The following ROBO1 variants were observed in gnomAD, a reference collection of about 807,000 sequenced individuals.
ROBO1 encodes roundabout homolog 1.
A neutral mutation model predicts 195.9 loss-of-function variants in ROBO1; 149 were observed. That is an observed-to-expected ratio of 0.76 (90% confidence interval 0.67 to 0.87). The LOEUF (loss-of-function observed/expected upper bound fraction) is 0.87, where lower values mean the gene tolerates loss of function less well. ROBO1 is among the 40% of genes least tolerant of loss of function. ROBO1 has a pLI of 0.00. For synonymous variants in ROBO1, 816 were observed against 733.2 expected (o/e 1.11, Z -1.82); for missense variants, 1,933 against 2,068.3 (o/e 0.93, Z 1.27).
At chr3:79,338,536 A>G (rs1164750478) in intron 2 of ROBO1, among the ~76,000 whole-genome samples, 1 of 152,106 alleles carries the variant, frequency 6.6e-6, no homozygotes, top group Non-Finnish European at 1.5e-5. Flanking sequence ...GTGTAATTCA[A>G]TGGACATGCT....
chr3:79,344,683 GGC>G (rs2035041118), intron 2 of ROBO1, among the ~76,000 whole-genome samples: 1 of 151,930 alleles, frequency 6.6e-6, no homozygotes, highest in Non-Finnish European at 1.5e-5. Context: ...GTATGAGGAA[GGC>G]TGTAAAAATG....
intron 1 of ROBO1, among the ~76,000 whole-genome samples, chr3:79,649,037 C>T (rs573082388): frequency 6.6e-6 from 1 of 152,022 alleles, no homozygotes; most frequent in African/African-American, 2.4e-5. Flanking sequence ...ATTTGGTTAT[C>T]AACTCTATTT....
At chr3:79,057,626 A>T (rs564804569) in intron 3 of ROBO1, among the ~76,000 whole-genome samples, 3 of 152,106 alleles carry the variant, frequency 2.0e-5, no homozygotes, top group Admixed American at 2.0e-4. Context: ...TACCCTGGAA[A>T]TAACATCCCT....
At chr3:79,048,712 A>G (rs1228679215) in intron 3 of ROBO1, among the ~76,000 whole-genome samples, 1 of 152,064 alleles carries the variant, frequency 6.6e-6, no homozygotes, top group Non-Finnish European at 1.5e-5. Flanking sequence ...TTTTTACTTC[A>G]CTAAGAAAAT....
chr3:79,180,989 T>C (rs1452735154), intron 2 of ROBO1, among the ~76,000 whole-genome samples: 1 of 152,190 alleles, frequency 6.6e-6, no homozygotes, highest in Non-Finnish European at 1.5e-5. Context: ...GAAGCAAGTG[T>C]GTTAAATTGA....
chr3:79,039,119 T>A (rs961318436), intron 3 of ROBO1, among the ~76,000 whole-genome samples: 1 of 152,164 alleles, frequency 6.6e-6, no homozygotes, highest in Non-Finnish European at 1.5e-5. Flanking sequence ...AGAAATAACT[T>A]TGTTCTGATG....
chr3:78,968,292 T>A (rs1408658402), intron 3 of ROBO1, among the ~76,000 whole-genome samples: 2 of 135,112 alleles, frequency 1.5e-5, no homozygotes, highest in African/African-American at 2.6e-5. Flanking sequence ...TTTTTTTTTT[T>A]AAGGCAGAGT....
chr3:78,795,834 C>A (rs1464362177), intron 4 of ROBO1, among the ~76,000 whole-genome samples: 2 of 151,608 alleles, frequency 1.3e-5, no homozygotes, highest in East Asian at 1.9e-4. Flanking sequence ...CCAGGAAATA[C>A]CCTAAGGAAC....
At chr3:79,041,740 T>C (rs1218433303) in intron 3 of ROBO1, among the ~76,000 whole-genome samples, 1 of 152,132 alleles carries the variant, frequency 6.6e-6, no homozygotes, top group Non-Finnish European at 1.5e-5. Flanking sequence ...TTTCCACAAA[T>C]GGGAGGAAAC....
intron 4 of ROBO1, among the ~76,000 whole-genome samples, chr3:78,909,184 C>T (rs550329504): frequency 1.3e-5 from 2 of 151,444 alleles, no homozygotes; most frequent in East Asian, 1.9e-4. Flanking sequence ...CTACGCCCTG[C>T]GAGAGTCAAA....
chr3:79,372,540 T>C (rs548401140), intron 2 of ROBO1, among the ~76,000 whole-genome samples: 81 of 151,774 alleles, frequency 5.3e-4, no homozygotes, highest in African/African-American at 1.9e-3. Flanking sequence ...GATGTGGGAG[T>C]GCTGGCTTGA....
intron 2 of ROBO1, among the ~76,000 whole-genome samples, chr3:79,151,560 C>CTA (rs2080771368): frequency 1.3e-5 from 2 of 151,738 alleles, no homozygotes; most frequent in Non-Finnish European, 2.9e-5. Flanking sequence ...CAGAGAACAA[C>CTA]CAGAGTGATT....
chr3:78,747,491 T>A lies in ROBO1; in HGVS notation c.500-591A>T, dbSNP rs144364108. On this transcript the variant is annotated intron_variant, in intron 4 of 30. Transcript: ENST00000464233. Reference sequence around the variant, plus strand: ...AGCCATTACATTGAAACTCATTGTGTTTTTCCATGATTACTGAGACTGTTA... The same window carrying A: ...AGCCATTACATTGAAACTCATTGTGATTTTCCATGATTACTGAGACTGTTA... 2.2e-3 allele frequency among the ~76,000 whole-genome samples: 337 copies of A among 152,270 alleles called. 2 individuals are homozygous for A. Among genetic ancestry groups the A allele is most frequent in the African/African-American group, 7.4e-3 (307 of 41,560 alleles).
chr3:78,969,470 G>C (rs2076716592), intron 3 of ROBO1, among the ~76,000 whole-genome samples: 1 of 152,192 alleles, frequency 6.6e-6, no homozygotes, highest in South Asian at 2.1e-4. Context: ...TGATAGCAGA[G>C]TAAGGTTGAC....
chr3:78,661,017 T>C lies in ROBO1; in HGVS notation c.2320+13A>G, dbSNP rs998666989. ...CTGCAATGCATGGAAATCAAACGCTTCATCATACTTGCCTTCTTCCAGGGT... is the reference window on the plus strand; with the variant it reads ...CTGCAATGCATGGAAATCAAACGCTCCATCATACTTGCCTTCTTCCAGGGT... On this transcript the variant is annotated intron_variant, in intron 16 of 30. Transcript: ENST00000464233. 1.3e-6 allele frequency: 2 copies of C among 1,580,162 alleles called. No individual in the cohort carries two copies. Among genetic ancestry groups the C allele is most frequent in the Non-Finnish European group, 1.7e-6 (2 of 1,152,424 alleles).
chr3:78,831,786 A>C (rs542159800), intron 4 of ROBO1, among the ~76,000 whole-genome samples: 2 of 152,236 alleles, frequency 1.3e-5, no homozygotes, highest in African/African-American at 2.4e-5. Context: ...AAGGATGAGC[A>C]AAGTCACATC....
At chr3:78,758,786 ACC>A (rs201797732) in intron 4 of ROBO1, among the ~76,000 whole-genome samples, 30 of 73,808 alleles carry the variant, frequency 4.1e-4, no homozygotes, top group Middle Eastern at 8.9e-3. Flanking sequence ...CCTCACCTGA[ACC>A]TCTCACTCTC....
chr3:78,793,173 G>C (rs1331803329), intron 4 of ROBO1, among the ~76,000 whole-genome samples: 1 of 150,814 alleles, frequency 6.6e-6, no homozygotes, highest in Non-Finnish European at 1.5e-5. Flanking sequence ...GAAAGGGAAA[G>C]GAAAGGAACA....
intron 21 of ROBO1, among the ~76,000 whole-genome samples, chr3:78,644,783 T>C (rs1376136964): frequency 6.7e-6 from 1 of 149,754 alleles, no homozygotes; most frequent in African/African-American, 2.6e-5. Context: ...AGCTTATTTT[T>C]CTGTATGTGT....
Sources: allele counts gnomAD v4.1 joint callset (sites outside exome capture counted in the v4.1 genomes callset), GRCh38; gene constraint gnomAD v4.1.1; transcripts MANE v1.5; gene names NCBI Gene and HGNC (gene_info 2026-07-23, HGNC 2026-07-21).